The following GPATCH2 variants were observed in gnomAD, a reference collection of about 807,000 sequenced individuals.
GPATCH2 encodes the protein G patch domain-containing protein 2.
A neutral mutation model predicts 58.0 loss-of-function variants in GPATCH2; 51 were observed. That is an observed-to-expected ratio of 0.88 (90% CI 0.70 to 1.11). The LOEUF is 1.11. Among genes scored for constraint, GPATCH2 ranks in the 50% most tolerant of loss-of-function variants. GPATCH2 has a pLI of 0.00. For missense variants in GPATCH2, 625 were observed against 652.2 expected, an observed-to-expected ratio of 0.96 and a Z score of 0.45; for synonymous variants, 222 against 218.5, an observed-to-expected ratio of 1.02 and a Z score of -0.14.
At chr1:217,453,966 G>A (rs1431311685) in intron 8 of GPATCH2, among the ~76,000 whole-genome samples, 3 of 152,120 alleles carry the variant, frequency 2.0e-5, no homozygotes, top group African/African-American at 7.2e-5. Flanking sequence ...CATTTGGCAA[G>A]AACACTCACT....
intron 9 of GPATCH2, among the ~76,000 whole-genome samples, chr1:217,433,216 A>G (rs1245286659): frequency 1.3e-5 from 2 of 152,040 alleles, no homozygotes; most frequent in Non-Finnish European, 2.9e-5. Flanking sequence ...TGGTGGTACC[A>G]GCAGAGAAGG....
chr1:217,484,673 G>A (rs1004532447), intron 8 of GPATCH2, among the ~76,000 whole-genome samples: 133 of 148,946 alleles, frequency 8.9e-4, no homozygotes, highest in African/African-American at 2.9e-3. Context: ...ATATATACAC[G>A]TGTATACACA....
intron 5 of GPATCH2, among the ~76,000 whole-genome samples, chr1:217,537,975 C>A (rs182169900): frequency 6.6e-6 from 1 of 152,194 alleles, no homozygotes. Flanking sequence ...TCCTCCTTAC[C>A]AGGATCCTTT....
At chr1:217,623,201 G>A (rs1202567659) in intron 1 of GPATCH2, among the ~76,000 whole-genome samples, 1 of 152,080 alleles carries the variant, frequency 6.6e-6, no homozygotes, top group East Asian at 1.9e-4. Flanking sequence ...TTGGAAGACA[G>A]TTTTCTTATC....
At chr1:217,431,753 T>C (rs774662794) in intron 9 of GPATCH2, among the ~76,000 whole-genome samples, 3 of 152,216 alleles carry the variant, frequency 2.0e-5, no homozygotes, top group Non-Finnish European at 2.9e-5. Context: ...CATTACCATG[T>C]TAGCCTTATG....
intron 6 of GPATCH2, among the ~76,000 whole-genome samples, chr1:217,509,176 C>A (rs117018989): frequency 6.6e-6 from 1 of 152,094 alleles, no homozygotes; most frequent in East Asian, 1.9e-4. Flanking sequence ...CTCATATCTA[C>A]TAAAAGTACA....
chr1:217,451,562 T>C (rs1167029219), intron 8 of GPATCH2, among the ~76,000 whole-genome samples: 1 of 152,220 alleles, frequency 6.6e-6, no homozygotes, highest in Non-Finnish European at 1.5e-5. Flanking sequence ...AAATAAAATC[T>C]TTAACACATA....
At chr1:217,532,745 A>C (rs543073602) in intron 5 of GPATCH2, among the ~76,000 whole-genome samples, 1 of 152,270 alleles carries the variant, frequency 6.6e-6, no homozygotes, top group South Asian at 2.1e-4. Flanking sequence ...AAGGCCTGGA[A>C]ACAAGGAAGA....
intron 6 of GPATCH2, among the ~76,000 whole-genome samples, chr1:217,503,312 A>G (rs1053600474): frequency 1.3e-5 from 2 of 152,128 alleles, no homozygotes; most frequent in African/African-American, 4.8e-5. Flanking sequence ...CAGGAGTATA[A>G]TATCATGGTA....
intron 8 of GPATCH2, among the ~76,000 whole-genome samples, chr1:217,489,435 A>T (rs1661613084): frequency 6.6e-6 from 1 of 152,174 alleles, no homozygotes; most frequent in Admixed American, 6.5e-5. Flanking sequence ...CAATTCAAGG[A>T]CCTTACATTG....
chr1:217,444,526 TTCTTTTCTA>T (rs1659294398), intron 9 of GPATCH2, among the ~76,000 whole-genome samples: 1 of 152,234 alleles, frequency 6.6e-6, no homozygotes, highest in African/African-American at 2.4e-5. Flanking sequence ...GAAACAGCAA[TTCTTTTCTA>T]TCTTTTCTAT....
intron 5 of GPATCH2, among the ~76,000 whole-genome samples, chr1:217,524,896 AGGGGGGAGGGGGGAGGGGGAGGG>A (rs1663780516): frequency 1.9e-3 from 1 of 516 alleles, no homozygotes; most frequent in Non-Finnish European, 4.1e-3. Flanking sequence ...GGGAGGGGGG[AGGGGGGAGGGGGGAGGGGGAGGG>A]GGGAGAGGGG....
At chr1:217,463,641 CAAAA>C (rs201402598) in intron 8 of GPATCH2, among the ~76,000 whole-genome samples, 66 of 82,396 alleles carry the variant, frequency 8.0e-4, no homozygotes, top group African/African-American at 4.0e-3. Context: ...CTTATCACTC[CAAAA>C]AAAAAAAAAA....
chr1:217,512,928 T>C (rs1382707755), intron 6 of GPATCH2, among the ~76,000 whole-genome samples: 1 of 152,178 alleles, frequency 6.6e-6, no homozygotes, highest in Non-Finnish European at 1.5e-5. Context: ...CTTGCCAAAC[T>C]GGATATATGC....
At chr1:217,454,436 A>C (rs2102477146) in intron 8 of GPATCH2, among the ~76,000 whole-genome samples, 1 of 151,784 alleles carries the variant, frequency 6.6e-6, no homozygotes, top group Non-Finnish European at 1.5e-5. Context: ...AAAAATACAA[A>C]AAATTAGCCG....
intron 1 of GPATCH2, among the ~76,000 whole-genome samples, chr1:217,624,509 T>C (rs1425930463): frequency 1.3e-5 from 2 of 152,228 alleles, no homozygotes; most frequent in African/African-American, 4.8e-5. Context: ...AGAGAGACTC[T>C]TGTCTCCTAC....
chr1:217,502,873 C>T (rs1047633634), intron 6 of GPATCH2, among the ~76,000 whole-genome samples: 3 of 151,998 alleles, frequency 2.0e-5, no homozygotes, highest in Non-Finnish European at 4.4e-5. Context: ...CATGCCCCAC[C>T]CTATTTAGAA....
intron 5 of GPATCH2, among the ~76,000 whole-genome samples, chr1:217,517,647 T>C (rs1571846031): frequency 6.6e-6 from 1 of 152,128 alleles, no homozygotes. Context: ...AAATAATCTT[T>C]ACAAAAATTA....
At chr1:217,438,875 G>A (rs938817214) in intron 9 of GPATCH2, among the ~76,000 whole-genome samples, 2 of 152,122 alleles carry the variant, frequency 1.3e-5, no homozygotes, top group African/African-American at 4.8e-5. Flanking sequence ...CATAACGCAA[G>A]TTCTTAGAGA....
Sources: gnomAD v4.1 joint callset for allele counts (sites outside exome capture counted in the v4.1 genomes callset) on GRCh38, gnomAD v4.1.1 for gene constraint, MANE v1.5 for transcripts, NCBI Gene and HGNC (gene_info 2026-07-23, HGNC 2026-07-21) for gene names.